TNRC6A: variants seen among roughly 807,000 people sequenced by gnomAD.
TNRC6A encodes the protein trinucleotide repeat containing adaptor 6A.
A neutral mutation model predicts 221.2 loss-of-function variants in TNRC6A; 44 were observed. The observed-to-expected ratio is 0.20, with a 90% CI of 0.16 to 0.26. The LOEUF (loss-of-function observed/expected upper bound fraction) is 0.26. Among genes scored for constraint, TNRC6A ranks in the 10% least tolerant of loss-of-function variants. TNRC6A has a pLI of 1.00. For missense variants in TNRC6A, 2,199 were observed against 2,404.4 expected, an observed-to-expected ratio of 0.91 and a Z score of 1.79; for synonymous variants, 847 against 838.5, an observed-to-expected ratio of 1.01 and a Z score of -0.18.
At chr16:24,760,635 T>C (rs2057343645) in intron 4 of TNRC6A, among the ~76,000 whole-genome samples, 1 of 152,206 alleles carries the variant, frequency 6.6e-6, no homozygotes, top group Non-Finnish European at 1.5e-5. Context: ...GTCTAGGTAG[T>C]ATTTATAGTT....
intron 18 of TNRC6A, among the ~76,000 whole-genome samples, chr16:24,813,853 T>C (rs560568144): frequency 1.3e-5 from 2 of 152,348 alleles, no homozygotes; most frequent in Non-Finnish European, 2.9e-5. Flanking sequence ...TTTTCATAAG[T>C]GGAAATTGTT....
rs568909586 is a variant in TNRC6A, at chr16:24,720,930, C to T, written n.403-29796C>T. ...ATTAGCCAGGCATGGTGGCAGGCACCTGTAGTCCCAGCCACTCGGGAAGCT... is the reference window on the plus strand; with the variant it reads ...ATTAGCCAGGCATGGTGGCAGGCACTTGTAGTCCCAGCCACTCGGGAAGCT... On this transcript the variant is annotated intron_variant and non_coding_transcript_variant, in intron 2 of 2. Transcript: ENST00000566108. Among the ~76,000 whole-genome samples the T allele has an allele frequency of 9.9e-5, 15 of 151,918 alleles. No individual in the cohort carries two copies. The South Asian group carries it at 2.9e-3, about 29-fold the overall frequency.
chr16:24,819,507 C>CTTTTTTTTTTTTTTTTTTTTTTTTTTTTT (rs71383722), intron 21 of TNRC6A: 4 of 81,990 alleles, frequency 4.9e-5, no homozygotes, highest in Admixed American at 1.1e-4. Flanking sequence ...CTTTTTCTTT[C>CTTTTTTTTTTTTTTTTTTTTTTTTTTTTT]TTTTTTTTTT....
intron 1 of TNRC6A, among the ~76,000 whole-genome samples, chr16:24,634,651 CCTA>C (rs1901532499): frequency 6.6e-6 from 1 of 152,156 alleles, no homozygotes; most frequent in African/African-American, 2.4e-5. Flanking sequence ...ACATCGCTTC[CCTA>C]CTAAGAAAAC....
intron 2 of TNRC6A, among the ~76,000 whole-genome samples, chr16:24,716,798 A>C (rs2056320967): frequency 6.6e-6 from 1 of 151,766 alleles, no homozygotes; most frequent in East Asian, 1.9e-4. Flanking sequence ...TCTCTACGAA[A>C]AATACCAAAA....
In TNRC6A at chr16:24,820,159, T is replaced by C; in HGVS notation, c.5101T>C (p.Leu1701=). ...STSARNSDSK[L]TWSPGSVTNT... ...AGTAGCCAGAAATAGTGATTCCAAA[T>C]TGACATGGTCTCCTGGTTCAGTTAC... The change falls in exon 22 of 25, where the codon TTG becomes CTG. Residue 1701 remains leucine (L), a synonymous_variant. Transcript: ENST00000395799. 6.2e-7 allele frequency: 1 copy of C among 1,614,202 alleles called. No individual in the cohort carries two copies. Among genetic ancestry groups the C allele is most frequent in the Non-Finnish European group, 8.5e-7 (1 of 1,180,036 alleles).
intron 2 of TNRC6A, among the ~76,000 whole-genome samples, chr16:24,660,908 A>ATT (rs1165952829): frequency 6.6e-6 from 1 of 151,248 alleles, no homozygotes; most frequent in Non-Finnish European, 1.5e-5. Flanking sequence ...CGCCAGGCTA[A>ATT]TTTTTTGTAT....
At chr16:24,821,718 C>T in intron 22 of TNRC6A, 1 of 232,318 alleles carries the variant, frequency 4.3e-6, no homozygotes, top group Non-Finnish European at 8.4e-6. Context: ...GAAGGACACA[C>T]ACGCAGAGTG....
rs2056879869 is a variant in TNRC6A, at chr16:24,741,017, C to G, written c.54-9709C>G. On this transcript the variant is annotated intron_variant, in intron 2 of 24. Transcript: ENST00000395799. ...TACTGTGTTCTGCGGCTGTGCTGAA[C>G]ATGTTCATTAGTTCCAGTAGTCTTT... Among the ~76,000 whole-genome samples, 3 of 152,186 alleles carry G rather than the reference C, an allele frequency of 2.0e-5. No homozygotes were observed. The South Asian group carries it at 6.2e-4, about 31-fold the overall frequency.
chr16:24,751,127 A>C (rs1437961137), intron 3 of TNRC6A, among the ~76,000 whole-genome samples: 1 of 152,188 alleles, frequency 6.6e-6, no homozygotes, highest in African/African-American at 2.4e-5. Context: ...TTTGCAGCCA[A>C]GTTGAGAGTA....
At chr16:24,768,453 A>AAAAC (rs2057522635) in intron 4 of TNRC6A, among the ~76,000 whole-genome samples, 1 of 151,204 alleles carries the variant, frequency 6.6e-6, no homozygotes, top group African/African-American at 2.4e-5. Context: ...AAAAAAAAAA[A>AAAAC]TCTTAATTGC....
chr16:24,713,367 G>C (rs891186816), intron 2 of TNRC6A, among the ~76,000 whole-genome samples: 7 of 152,036 alleles, frequency 4.6e-5, no homozygotes, highest in African/African-American at 1.7e-4. Flanking sequence ...GCAGTGAGCA[G>C]AGATCATGCC....
upstream of TNRC6A, chr16:24,729,593 C>T (rs2056559338): frequency 5.0e-6 from 2 of 403,440 alleles, no homozygotes; most frequent in African/African-American, 2.1e-5. Flanking sequence ...GCTAGGGCCT[C>T]CATCTTGGGG....
chr16:24,669,210 T>C (rs1370779814), intron 2 of TNRC6A, among the ~76,000 whole-genome samples: 1 of 152,186 alleles, frequency 6.6e-6, no homozygotes, highest in Non-Finnish European at 1.5e-5. Context: ...CAATCTCTTC[T>C]AATAAAAATC....
At chr16:24,755,532 C>T (rs533453090) in intron 3 of TNRC6A, among the ~76,000 whole-genome samples, 14 of 152,324 alleles carry the variant, frequency 9.2e-5, no homozygotes, top group Non-Finnish European at 1.6e-4. Context: ...GGTGTTTTTG[C>T]CACAGTTCTA....
rs2058068175 is a variant in TNRC6A, at chr16:24,790,198, G to T, written c.1556G>T (p.Gly519Val). ...NGESKSGGSY[G>V]TTWGAYGSNY... is the part of the protein sequence containing the mutation. ...GAGTCAAAAAGTGGAGGCTCTTATG[G>T]TACTACATGGGGTGCCTATGGTTCT... The change falls in exon 6 of 25, where the codon GGT becomes GTT. Residue 519 changes from glycine (G) to valine (V), a missense_variant. Gly to Val is a moderately radical substitution (Grantham distance 109). Coordinates refer to ENST00000395799, the MANE Select transcript of TNRC6A (RefSeq NM_014494.4). The T allele has an allele frequency of 6.2e-7, 1 of 1,614,174 alleles. No individual in the cohort carries two copies. The highest frequency in any genetic ancestry group is 2.2e-5 in the East Asian group (1 of 44,892).
intron 2 of TNRC6A, among the ~76,000 whole-genome samples, chr16:24,686,764 G>A (rs1355547816): frequency 6.6e-6 from 1 of 152,182 alleles, no homozygotes; most frequent in Non-Finnish European, 1.5e-5. Context: ...TGCAGGGGTG[G>A]TATGGCGTCA....
chr16:24,748,301 G>A (rs1424336114), intron 2 of TNRC6A, among the ~76,000 whole-genome samples: 1 of 152,224 alleles, frequency 6.6e-6, no homozygotes, highest in Non-Finnish European at 1.5e-5. Context: ...TAACATGACA[G>A]TGGTGTAACC....
At chr16:24,628,154 C>T (rs1012288382) in intron 1 of TNRC6A, among the ~76,000 whole-genome samples, 1 of 151,868 alleles carries the variant, frequency 6.6e-6, no homozygotes, top group Admixed American at 6.6e-5. Context: ...GGGCCAGGCT[C>T]ATGCCTGTAA....
Sources: gnomAD v4.1 joint callset for allele counts (sites outside exome capture counted in the v4.1 genomes callset) on GRCh38, gnomAD v4.1.1 for gene constraint, MANE v1.5 for transcripts, NCBI Gene and HGNC (gene_info 2026-07-23, HGNC 2026-07-21) for gene names.